The following SPPL3 variants were observed in gnomAD, a reference collection of about 807,000 sequenced individuals.
SPPL3 encodes the protein signal peptide peptidase like 3.
Under a neutral mutation model 42.4 loss-of-function variants are expected in SPPL3, and 5 were observed. The observed-to-expected ratio is 0.12, with a 90% CI of 0.06 to 0.25. The LOEUF (loss-of-function observed/expected upper bound fraction) is 0.25, where lower values mean the gene tolerates loss of function less well. Among genes scored for constraint, SPPL3 ranks in the 10% least tolerant of loss-of-function variants. The pLI, the probability that SPPL3 is intolerant of heterozygous loss-of-function variation, is 1.00. For synonymous variants in SPPL3, 195 were observed against 181.8 expected (o/e 1.07, Z -0.58); for missense variants, 235 against 489.0 (o/e 0.48, Z 4.90).
intron 1 of SPPL3, among the ~76,000 whole-genome samples, chr12:120,901,589 C>T (rs371051066): frequency 0.084 from 2,757 of 32,992 alleles, 87 homozygotes; most frequent in African/African-American, 0.18. Flanking sequence ...AGACTCCGTC[C>T]TAAAAAAAAA....
In SPPL3 at chr12:120,762,661, T is replaced by G. The variant is rs1273118103; in HGVS notation, c.*2338A>C. 6.7e-6 allele frequency: 1 copy of G among 150,334 alleles called. No homozygotes were observed. Among genetic ancestry groups the G allele is most frequent in the Non-Finnish European group, 1.5e-5 (1 of 67,894 alleles). 9.3% of individuals were successfully genotyped at this position (150,334 alleles called of 1,614,324 possible). The stretch of plus-strand genomic sequence containing the variant: ...CAGACTTGAGTGCAGTGGCGCAATC[T>G]CTGCTCACTGCAACCTCCGCCTTCC... On this transcript the variant is annotated 3_prime_UTR_variant, in exon 11 of 11. Transcript: ENST00000353487.
chr12:120,773,890 C>T (rs10437837), intron 6 of SPPL3, among the ~76,000 whole-genome samples: 9,630 of 152,236 alleles, frequency 0.063, 545 homozygotes, highest in East Asian at 0.3. Flanking sequence ...AGGCATGGGC[C>T]GCCGCGTCTG....
intron 1 of SPPL3, among the ~76,000 whole-genome samples, chr12:120,850,962 C>T (rs1352029150): frequency 6.6e-6 from 1 of 152,176 alleles, no homozygotes; most frequent in Non-Finnish European, 1.5e-5. Context: ...ATAATCTCAT[C>T]TCAAAAATAT....
intron 1 of SPPL3, among the ~76,000 whole-genome samples, 158 bp downstream of exon 1, chr12:120,903,687 C>A (rs1874056201): frequency 6.6e-6 from 1 of 152,154 alleles, no homozygotes; most frequent in South Asian, 2.1e-4. Context: ...TGCGCGCCAG[C>A]CGCCCCCTCC....
intron 2 of SPPL3, among the ~76,000 whole-genome samples, chr12:120,802,591 G>A (rs948306034): frequency 3.3e-5 from 5 of 151,198 alleles, no homozygotes; most frequent in African/African-American, 1.2e-4. Flanking sequence ...GCATCAACAC[G>A]CCTGGCTAAT....
rs1168368704 is a variant in SPPL3, at chr12:120,862,751, T to C, written c.23+41094A>G. Reference sequence around the variant, plus strand: ...TGGAGGTTCCATTACACAGGCATGATTGATTAAATCACTGGCCTTTCCTGG... The same window carrying C: ...TGGAGGTTCCATTACACAGGCATGACTGATTAAATCACTGGCCTTTCCTGG... On this transcript the variant is annotated intron_variant, in intron 1 of 10. Coordinates refer to ENST00000353487, the MANE Select transcript of SPPL3 (RefSeq NM_139015.5). Among the ~76,000 whole-genome samples, 3 of 152,150 alleles carry C rather than the reference T, an allele frequency of 2.0e-5. No individual in the cohort carries two copies. The South Asian group carries it at 6.2e-4, about 31-fold the overall frequency.
intron 1 of SPPL3, among the ~76,000 whole-genome samples, chr12:120,867,547 C>T (rs1209404961): frequency 6.6e-5 from 10 of 151,854 alleles, no homozygotes; most frequent in African/African-American, 2.4e-4. Context: ...TGCCTGTAGT[C>T]CCAGCTACTT....
chr12:120,784,288 C>T (rs761011148), intron 4 of SPPL3, 186 bp downstream of exon 4: 38 of 494,094 alleles, frequency 7.7e-5, no homozygotes, highest in Non-Finnish European at 1.2e-4. Flanking sequence ...CAACAGATGA[C>T]GTGGATCAAG....
intron 1 of SPPL3, among the ~76,000 whole-genome samples, chr12:120,865,298 T>G (rs1411117349): frequency 2.6e-5 from 4 of 152,240 alleles, no homozygotes; most frequent in Non-Finnish European, 5.9e-5. Flanking sequence ...TGTACACTGC[T>G]CTACAATGCA....
At chr12:120,819,919 T>C (rs1233343333) in intron 1 of SPPL3, among the ~76,000 whole-genome samples, 3 of 151,904 alleles carry the variant, frequency 2.0e-5, no homozygotes, top group Non-Finnish European at 4.4e-5. Context: ...GCACCAGAGG[T>C]TTTACCCACC....
At chr12:120,839,796 G>C (rs911094293) in intron 1 of SPPL3, among the ~76,000 whole-genome samples, 1 of 151,782 alleles carries the variant, frequency 6.6e-6, no homozygotes, top group African/African-American at 2.4e-5. Context: ...ATATGACCCA[G>C]CAATCCCACT....
intron 1 of SPPL3, among the ~76,000 whole-genome samples, chr12:120,888,891 C>T (rs1387604764): frequency 6.6e-6 from 1 of 152,116 alleles, no homozygotes; most frequent in Non-Finnish European, 1.5e-5. Context: ...CTCACTGCAA[C>T]CTCCACCTCC....
intron 1 of SPPL3, among the ~76,000 whole-genome samples, chr12:120,833,292 G>A (rs1329781275): frequency 6.6e-6 from 1 of 152,166 alleles, no homozygotes; most frequent in Non-Finnish European, 1.5e-5. Flanking sequence ...ATGGGTACCA[G>A]AAAGGGAACA....
At chr12:120,878,376 A>G (rs961505225) in intron 1 of SPPL3, among the ~76,000 whole-genome samples, 10 of 152,206 alleles carry the variant, frequency 6.6e-5, no homozygotes, top group Non-Finnish European at 8.8e-5. Context: ...GTGGGCAAAA[A>G]TATCAAAGAA....
chr12:120,797,742 G>A (rs1870153604), intron 2 of SPPL3, among the ~76,000 whole-genome samples: 2 of 152,144 alleles, frequency 1.3e-5, no homozygotes, highest in African/African-American at 4.8e-5. Flanking sequence ...CTATAATGAA[G>A]AGGTAGGTCA....
chr12:120,860,951 A>G (rs1872601093), intron 1 of SPPL3, among the ~76,000 whole-genome samples: 1 of 152,182 alleles, frequency 6.6e-6, no homozygotes, highest in Non-Finnish European at 1.5e-5. Flanking sequence ...CATACAACCT[A>G]CACACATCCA....
chr12:120,846,848 T>C (rs756323494), intron 1 of SPPL3, among the ~76,000 whole-genome samples: 5 of 152,192 alleles, frequency 3.3e-5, no homozygotes, highest in Admixed American at 6.5e-5. Context: ...GTTTGCCAGA[T>C]AGAGGGCAGG....
chr12:120,783,313 G>A (rs963928704), intron 5 of SPPL3, among the ~76,000 whole-genome samples: 1 of 152,118 alleles, frequency 6.6e-6, no homozygotes, highest in Admixed American at 6.5e-5. Context: ...CTAGGCCACC[G>A]AAGACCAAAG....
At chr12:120,860,327 C>T (rs1303766424) in intron 1 of SPPL3, among the ~76,000 whole-genome samples, 4 of 152,146 alleles carry the variant, frequency 2.6e-5, no homozygotes, top group Non-Finnish European at 1.5e-5. Flanking sequence ...TGTGCATCAT[C>T]GCCTATACAG....
Sources: allele counts gnomAD v4.1 joint callset (sites outside exome capture counted in the v4.1 genomes callset), GRCh38; gene constraint gnomAD v4.1.1; transcripts MANE v1.5; gene names NCBI Gene and HGNC (gene_info 2026-07-23, HGNC 2026-07-21).